Variants in OR51B5 observed in about 807,000 individuals in gnomAD.
OR51B5 encodes olfactory receptor 51B5.
For missense variants in OR51B5, 456 were observed against 374.6 expected (o/e 1.22, Z -1.79); for synonymous variants, 186 against 144.8 (o/e 1.28, Z -2.04).
At chr11:5,396,415 A>G (rs1411847451) in intron 1 of OR51B5, among the ~76,000 whole-genome samples, 1 of 152,234 alleles carries the variant, frequency 6.6e-6, no homozygotes, top group East Asian at 1.9e-4. Flanking sequence ...AAGCATTCTT[A>G]TACACCAATA....
chr11:5,479,927 C>T (rs1316632389), intron 1 of OR51B5, among the ~76,000 whole-genome samples: 1 of 140,438 alleles, frequency 7.1e-6, no homozygotes, highest in Non-Finnish European at 1.6e-5. Context: ...ACTTTAACAC[C>T]CCACTGTCAA....
rs1394083833 is a variant in OR51B5 at position 5,487,226 on chromosome 11, ACT to A, written n.84+18341_84+18342del. On this transcript the variant is annotated intron_variant and non_coding_transcript_variant, in intron 1 of 4. Transcript: ENST00000415970. ...GGTTAGGGATGTAAATGATAACTGTACTCTCTTTTATCGAGAGTATATGTTGT... is the reference window on the plus strand; with the variant it reads ...GGTTAGGGATGTAAATGATAACTGTACTCTTTTATCGAGAGTATATGTTGT... Among the ~76,000 whole-genome samples, 7 of 152,082 alleles carry A rather than the reference ACT, an allele frequency of 4.6e-5. No homozygotes were observed. In the South Asian group the frequency reaches 1.5e-3, roughly 32 times the overall value.
chr11:5,392,731 T>C (rs1268324392), intron 1 of OR51B5: 1 of 152,154 alleles, frequency 6.6e-6, no homozygotes, highest in Non-Finnish European at 1.5e-5. Context: ...GCTAACACGG[T>C]GGAACCCAGT....
At chr11:5,462,071 C>T (rs900560783) in intron 1 of OR51B5, among the ~76,000 whole-genome samples, 1 of 152,114 alleles carries the variant, frequency 6.6e-6, no homozygotes, top group Non-Finnish European at 1.5e-5. Flanking sequence ...ACAAGAAAAT[C>T]AAATACTGAA....
At chr11:5,481,656 CAA>C (rs1208267485) in intron 1 of OR51B5, among the ~76,000 whole-genome samples, 3 of 141,044 alleles carry the variant, frequency 2.1e-5, no homozygotes, top group Admixed American at 7.1e-5. Context: ...GCAACTTCAG[CAA>C]AGTCTCAGGA....
At chr11:5,412,222 T>G (rs1003404622) in intron 1 of OR51B5, among the ~76,000 whole-genome samples, 4 of 152,168 alleles carry the variant, frequency 2.6e-5, no homozygotes, top group African/African-American at 4.8e-5. Context: ...TGACTATATC[T>G]TCTTGAGTAA....
chr11:5,427,040 C>T lies in OR51B5; in HGVS notation n.84+78529G>A, dbSNP rs76997591. Reference sequence around the variant, plus strand: ...ACTACTCACCTTCCCATCACCTCCCCCAAAGCACAGAGGAACTTTGTCCTA... The same window carrying T: ...ACTACTCACCTTCCCATCACCTCCCTCAAAGCACAGAGGAACTTTGTCCTA... On this transcript the variant is annotated intron_variant and non_coding_transcript_variant, in intron 1 of 4. Transcript: ENST00000415970. 6.9e-3 allele frequency among the ~76,000 whole-genome samples: 1,051 copies of T among 152,262 alleles called. 8 individuals are homozygous for T. The highest frequency in any genetic ancestry group is 0.024 in the African/African-American group (980 of 41,540).
chr11:5,452,320 C>T (rs945923092), intron 1 of OR51B5, among the ~76,000 whole-genome samples: 6 of 151,792 alleles, frequency 4.0e-5, no homozygotes, highest in South Asian at 2.1e-4. Flanking sequence ...CTGGCTAACA[C>T]GGTGAAACCC....
chr11:5,373,898 G>A (rs1442833361), intron 1 of OR51B5, among the ~76,000 whole-genome samples: 1 of 152,108 alleles, frequency 6.6e-6, no homozygotes, highest in Non-Finnish European at 1.5e-5. Context: ...ACCTTTGGGG[G>A]CAGGGCACAG....
chr11:5,366,296 G>A (rs767748438), intron 1 of OR51B5, among the ~76,000 whole-genome samples: 2 of 151,984 alleles, frequency 1.3e-5, no homozygotes, highest in Non-Finnish European at 2.9e-5. Flanking sequence ...TCAAGGGAAG[G>A]TTCCTCTGTG....
At chr11:5,340,620 A>AAGAAAGTAGG (rs1848879205), downstream of OR51B5, 1 of 152,132 alleles carries the variant, frequency 6.6e-6, no homozygotes, top group African/African-American at 2.4e-5. Context: ...TTTTCAGAAA[A>AAGAAAGTAGG]AGAAAGTAGG....
intron 1 of OR51B5, among the ~76,000 whole-genome samples, chr11:5,399,600 A>G (rs1849936284): frequency 6.6e-6 from 1 of 152,088 alleles, no homozygotes; most frequent in Non-Finnish European, 1.5e-5. Context: ...GTCCTATTAT[A>G]CTGGGCTATA....
chr11:5,399,702 T>C (rs1037314584), intron 1 of OR51B5, among the ~76,000 whole-genome samples: 1 of 151,872 alleles, frequency 6.6e-6, no homozygotes, highest in Admixed American at 6.6e-5. Flanking sequence ...TTAAGATCTC[T>C]TTCAAGGAGA....
chr11:5,443,213 T>C (rs1404704467), intron 1 of OR51B5, among the ~76,000 whole-genome samples: 1 of 152,186 alleles, frequency 6.6e-6, no homozygotes, highest in Non-Finnish European at 1.5e-5. Context: ...ATTTTTCTCA[T>C]TTTAGAGTTC....
At chr11:5,389,686 C>A in intron 1 of OR51B5, 1 of 1,613,672 alleles carries the variant, frequency 6.2e-7, no homozygotes, top group Non-Finnish European at 8.5e-7. Context: ...CTATGGGGAT[C>A]TTCTGGTTTA....
At chr11:5,350,308 A>C (rs1359867840) in intron 1 of OR51B5, among the ~76,000 whole-genome samples, 1 of 152,230 alleles carries the variant, frequency 6.6e-6, no homozygotes, top group African/African-American at 2.4e-5. Flanking sequence ...AATTCTTCTG[A>C]AAATGAAAGT....
intron 1 of OR51B5, among the ~76,000 whole-genome samples, chr11:5,378,855 C>G (rs2133715716): frequency 6.7e-6 from 1 of 150,208 alleles, no homozygotes; most frequent in African/African-American, 2.4e-5. Context: ...CACTTTTACA[C>G]TCTTGGTGGG....
At chr11:5,488,159 A>C (rs1851523808) in intron 1 of OR51B5, among the ~76,000 whole-genome samples, 1 of 152,198 alleles carries the variant, frequency 6.6e-6, no homozygotes, top group South Asian at 2.1e-4. Context: ...ACGGTTGCAT[A>C]AAGACATAGT....
At chr11:5,391,183 G>A (rs1849790220) in intron 1 of OR51B5, 1 of 152,352 alleles carries the variant, frequency 6.6e-6, no homozygotes, top group African/African-American at 2.4e-5. Flanking sequence ...TGCTCAGGAG[G>A]AAATAAACTT....
Sources: gnomAD v4.1 joint callset for allele counts (sites outside exome capture counted in the v4.1 genomes callset) on GRCh38, gnomAD v4.1.1 for gene constraint, MANE v1.5 for transcripts, NCBI Gene and HGNC (gene_info 2026-07-23, HGNC 2026-07-21) for gene names.